Variants in KIAA1328 observed in about 807,000 individuals in gnomAD.
KIAA1328 encodes protein hinderin.
Under a neutral mutation model 68.1 loss-of-function variants are expected in KIAA1328, and 52 were observed. That is an observed-to-expected ratio of 0.76 (90% confidence interval 0.61 to 0.96). KIAA1328 has a LOEUF of 0.96. KIAA1328 is among the 40% of genes least tolerant of loss of function. The pLI is 0.00. For synonymous variants in KIAA1328, 232 were observed against 239.4 expected (o/e 0.97, Z 0.28); for missense variants, 641 against 677.6 (o/e 0.95, Z 0.60).
intron 6 of KIAA1328, among the ~76,000 whole-genome samples, chr18:36,970,851 A>G (rs549067539): frequency 1.3e-5 from 2 of 152,370 alleles, no homozygotes; most frequent in Non-Finnish European, 2.9e-5. Context: ...GGAAGAATCA[A>G]TATCATGAAA....
intron 5 of KIAA1328, chr18:36,886,461 C>T (rs543671419): frequency 1.3e-5 from 2 of 152,160 alleles, no homozygotes; most frequent in Non-Finnish European, 2.9e-5. Context: ...CCAAATCCTT[C>T]TTATGGAGCA....
intron 5 of KIAA1328, among the ~76,000 whole-genome samples, chr18:36,919,137 T>A (rs1332593042): frequency 1.3e-5 from 2 of 152,158 alleles, no homozygotes; most frequent in Non-Finnish European, 2.9e-5. Flanking sequence ...TTATTATTAT[T>A]ATACATATAT....
downstream of KIAA1328, among the ~76,000 whole-genome samples, chr18:37,228,832 GA>G (rs961386540): frequency 3.8e-4 from 56 of 145,904 alleles, 2 homozygotes; most frequent in Non-Finnish European, 9.1e-5. Flanking sequence ...AAAAAAAAAA[GA>G]AAAAAAAAAG....
chr18:36,971,660 C>CT (rs2052219414), intron 6 of KIAA1328, among the ~76,000 whole-genome samples: 1 of 151,980 alleles, frequency 6.6e-6, no homozygotes. Flanking sequence ...AAATGTGGTA[C>CT]TGTATACCAT....
intron 9 of KIAA1328, among the ~76,000 whole-genome samples, chr18:37,186,059 G>C (rs899285983): frequency 1.4e-5 from 2 of 147,074 alleles, no homozygotes; most frequent in Non-Finnish European, 3.0e-5. Flanking sequence ...ATTTTTCAGT[G>C]TGACTGATGA....
intron 1 of KIAA1328, among the ~76,000 whole-genome samples, chr18:36,829,938 A>C (rs568187027): frequency 1.3e-5 from 2 of 152,202 alleles, no homozygotes; most frequent in African/African-American, 4.8e-5. Context: ...GTGTGACAGG[A>C]GTGTTTCTTT....
chr18:37,158,174 A>G (rs1329028972), intron 7 of KIAA1328, among the ~76,000 whole-genome samples: 1 of 152,084 alleles, frequency 6.6e-6, no homozygotes, highest in African/African-American at 2.4e-5. Context: ...CTGGAACTAT[A>G]GGCACATGCC....
intron 6 of KIAA1328, among the ~76,000 whole-genome samples, chr18:36,981,593 T>C (rs1051260502): frequency 3.3e-5 from 5 of 152,026 alleles, no homozygotes; most frequent in Non-Finnish European, 4.4e-5. Context: ...TTGAACTCTT[T>C]CTTTGTTTTT....
At chr18:37,088,631 C>T (rs938242931) in intron 7 of KIAA1328, among the ~76,000 whole-genome samples, 2 of 151,558 alleles carry the variant, frequency 1.3e-5, no homozygotes, top group African/African-American at 4.8e-5. Flanking sequence ...CACTTTCTTA[C>T]TTGCTTATGG....
intron 6 of KIAA1328, among the ~76,000 whole-genome samples, chr18:37,007,952 C>T (rs1172499216): frequency 6.6e-6 from 1 of 152,048 alleles, no homozygotes; most frequent in East Asian, 1.9e-4. Context: ...TTCTTTTTTT[C>T]TTATGGTTTT....
intron 6 of KIAA1328, among the ~76,000 whole-genome samples, chr18:37,025,134 TG>T (rs1182828273): frequency 6.6e-6 from 1 of 152,112 alleles, no homozygotes; most frequent in Non-Finnish European, 1.5e-5. Flanking sequence ...CCAGTGATGA[TG>T]AGCATTTTTT....
chr18:37,142,215 G>T (rs2058781160), intron 7 of KIAA1328, among the ~76,000 whole-genome samples: 1 of 151,622 alleles, frequency 6.6e-6, no homozygotes, highest in Middle Eastern at 3.2e-3. Context: ...TTTTGGGGAT[G>T]GAGTCTCGCT....
chr18:36,905,363 C>T (rs781299227), intron 5 of KIAA1328, among the ~76,000 whole-genome samples: 4 of 151,956 alleles, frequency 2.6e-5, no homozygotes, highest in Non-Finnish European at 5.9e-5. Context: ...TTGCCTGCTT[C>T]GGTCTCCTGA....
At chr18:36,880,294 G>A (rs72887010) in intron 4 of KIAA1328, among the ~76,000 whole-genome samples, 20,668 of 152,086 alleles carry the variant, frequency 0.14, 1,732 homozygotes, top group Admixed American at 0.18. Flanking sequence ...GTTCCCCAAT[G>A]CCTTGCGCTT....
At chr18:37,101,591 C>T (rs2057619291) in intron 7 of KIAA1328, among the ~76,000 whole-genome samples, 1 of 152,196 alleles carries the variant, frequency 6.6e-6, no homozygotes, top group Non-Finnish European at 1.5e-5. Context: ...GTAAAACACT[C>T]TGCAGGATAT....
intron 6 of KIAA1328, among the ~76,000 whole-genome samples, chr18:37,020,071 T>TG (rs1219998684): frequency 6.6e-6 from 1 of 151,822 alleles, no homozygotes; most frequent in Non-Finnish European, 1.5e-5. Flanking sequence ...ACAGGTGGGG[T>TG]GGGGTGATTA....
rs542137709 is a variant in KIAA1328 at position 37,167,701 on chromosome 18, G to A, written c.1415-5272G>A. Reference sequence around the variant, plus strand: ...AGCAGCTTCTGTCCCTTCCTGCTAGGGTCTCGGGGTTTTTATGGGCACAGG... The same window carrying A: ...AGCAGCTTCTGTCCCTTCCTGCTAGAGTCTCGGGGTTTTTATGGGCACAGG... On this transcript the variant is annotated intron_variant, in intron 8 of 9. Coordinates refer to ENST00000280020, the MANE Select transcript of KIAA1328 (RefSeq NM_020776.3). Among the ~76,000 whole-genome samples the A allele has an allele frequency of 3.3e-5, 5 of 152,092 alleles. No individual in the cohort carries two copies. In the South Asian group the frequency reaches 1.0e-3, roughly 32 times the overall value.
intron 4 of KIAA1328, among the ~76,000 whole-genome samples, chr18:36,848,750 GTTT>G (rs890686490): frequency 6.6e-6 from 1 of 150,448 alleles, no homozygotes; most frequent in Non-Finnish European, 1.5e-5. Context: ...TTTATTGAGA[GTTT>G]TTATCTTTAG....
intron 8 of KIAA1328, among the ~76,000 whole-genome samples, chr18:37,169,597 A>G (rs1335354941): frequency 1.3e-5 from 2 of 152,186 alleles, no homozygotes; most frequent in African/African-American, 2.4e-5. Flanking sequence ...TTGTTGGTAT[A>G]CTTAATATTA....
Sources: allele counts gnomAD v4.1 joint callset (sites outside exome capture counted in the v4.1 genomes callset), GRCh38; gene constraint gnomAD v4.1.1; transcripts MANE v1.5; gene names NCBI Gene and HGNC (gene_info 2026-07-23, HGNC 2026-07-21).